The following NAV3 variants were observed in gnomAD, a reference collection of about 807,000 sequenced individuals.
The protein encoded by NAV3 is pore membrane and/or filament interacting like protein 1.
In NAV3, 87 loss-of-function variants were observed where a neutral mutation model predicts 244.7. The ratio of observed to expected loss-of-function variants is 0.36; its 90% CI spans 0.30 to 0.42. The LOEUF is 0.42. Among genes scored for constraint, NAV3 ranks in the 20% least tolerant of loss-of-function variants. NAV3 has a pLI of 1.00. For synonymous variants in NAV3, 1,126 were observed against 1,042.2 expected (o/e 1.08, Z -1.55); for missense variants, 2,663 against 2,893.3 (o/e 0.92, Z 1.83).
intron 5 of NAV3, among the ~76,000 whole-genome samples, chr12:77,993,158 G>A (rs1021235526): frequency 1.3e-5 from 2 of 152,094 alleles, no homozygotes; most frequent in African/African-American, 2.4e-5. Context: ...ATTATGGCAC[G>A]TCTTTAAAAT....
At chr12:78,144,451 C>G (rs1239006886) in intron 20 of NAV3, among the ~76,000 whole-genome samples, 2 of 151,844 alleles carry the variant, frequency 1.3e-5, no homozygotes, top group Non-Finnish European at 2.9e-5. Context: ...CACACCTAAG[C>G]TACTGAAAAA....
intron 1 of NAV3, among the ~76,000 whole-genome samples, chr12:77,917,033 G>A (rs910599226): frequency 5.9e-5 from 9 of 151,918 alleles, no homozygotes; most frequent in East Asian, 3.9e-4. Context: ...TATAAACATA[G>A]CATTATTATA....
intron 2 of NAV3, among the ~76,000 whole-genome samples, chr12:77,714,961 T>C (rs1278632826): frequency 2.0e-5 from 3 of 152,126 alleles, no homozygotes; most frequent in Admixed American, 2.0e-4. Flanking sequence ...CTTTTCATGA[T>C]TTATTTAACT....
At chr12:77,722,514 G>C (rs1876684272) in intron 2 of NAV3, among the ~76,000 whole-genome samples, 1 of 151,922 alleles carries the variant, frequency 6.6e-6, no homozygotes, top group South Asian at 2.1e-4. Flanking sequence ...GATTATTATG[G>C]GCCTAGTTGT....
intron 2 of NAV3, among the ~76,000 whole-genome samples, chr12:77,809,503 A>C (rs892712379): frequency 2.0e-5 from 3 of 152,140 alleles, no homozygotes; most frequent in African/African-American, 7.2e-5. Context: ...GGCTGTACCC[A>C]CTGTGCGTCC....
intron 2 of NAV3, among the ~76,000 whole-genome samples, chr12:77,672,623 A>G (rs1244036893): frequency 6.6e-6 from 1 of 151,958 alleles, no homozygotes; most frequent in Non-Finnish European, 1.5e-5. Context: ...ATGTATATGT[A>G]TAAGCTATGA....
chr12:77,639,336 T>C (rs1421667904), intron 2 of NAV3, among the ~76,000 whole-genome samples: 1 of 152,208 alleles, frequency 6.6e-6, no homozygotes, highest in African/African-American at 2.4e-5. Flanking sequence ...TCTCTGCTTT[T>C]ATGTAATTCA....
intron 2 of NAV3, among the ~76,000 whole-genome samples, chr12:77,627,097 T>G (rs889509642): frequency 1.3e-5 from 2 of 152,144 alleles, no homozygotes; most frequent in Admixed American, 6.5e-5. Context: ...ACTGGCTGAA[T>G]AGATTTATAA....
intron 2 of NAV3, among the ~76,000 whole-genome samples, chr12:77,767,222 G>A (rs1273691015): frequency 2.0e-5 from 3 of 152,184 alleles, no homozygotes; most frequent in African/African-American, 7.2e-5. Flanking sequence ...ACAGACTTAG[G>A]ATTTCCTAAA....
chr12:78,185,748 G>T, intron 31 of NAV3, 50 bp downstream of exon 31: 1 of 1,467,312 alleles, frequency 6.8e-7, no homozygotes, highest in South Asian at 1.2e-5. Flanking sequence ...GAATTACCAT[G>T]AGTCAAGTGT....
At chr12:77,841,105 G>C (rs1875560551) in intron 1 of NAV3, among the ~76,000 whole-genome samples, 1 of 152,112 alleles carries the variant, frequency 6.6e-6, no homozygotes, top group African/African-American at 2.4e-5. Flanking sequence ...ATCTGTGGTA[G>C]AGTTCATTAA....
chr12:78,154,201 T>A (rs1385148311), intron 22 of NAV3, among the ~76,000 whole-genome samples: 2 of 114,182 alleles, frequency 1.8e-5, no homozygotes, highest in African/African-American at 6.2e-5. Context: ...ATATTATATA[T>A]ACTCTAGGTA....
intron 22 of NAV3, among the ~76,000 whole-genome samples, chr12:78,155,524 G>C (rs1179472510): frequency 1.3e-5 from 2 of 152,008 alleles, no homozygotes; most frequent in African/African-American, 2.4e-5. Context: ...ATATTCCTTT[G>C]GGTATATACC....
At chr12:77,899,086 A>T (rs1884963222) in intron 1 of NAV3, among the ~76,000 whole-genome samples, 1 of 152,220 alleles carries the variant, frequency 6.6e-6, no homozygotes, top group African/African-American at 2.4e-5. Context: ...ATAACACTTG[A>T]ACAGATGAGG....
At chr12:78,064,800 C>T (rs750719205) in intron 12 of NAV3, among the ~76,000 whole-genome samples, 9 of 151,730 alleles carry the variant, frequency 5.9e-5, no homozygotes, top group Non-Finnish European at 1.2e-4. Flanking sequence ...AAAATTAGCT[C>T]GTATACAAGC....
intron 1 of NAV3, among the ~76,000 whole-genome samples, chr12:77,832,720 T>C (rs1873932679): frequency 6.6e-6 from 1 of 152,194 alleles, no homozygotes; most frequent in Non-Finnish European, 1.5e-5. Context: ...ATACTAGATC[T>C]TATTCATTCT....
At chr12:77,913,522 A>G (rs1230974613) in intron 1 of NAV3, among the ~76,000 whole-genome samples, 1 of 151,982 alleles carries the variant, frequency 6.6e-6, no homozygotes, top group African/African-American at 2.4e-5. Flanking sequence ...AACCTCCCGT[A>G]CTAGGCATTA....
intron 2 of NAV3, among the ~76,000 whole-genome samples, chr12:77,582,570 T>C (rs1869413796): frequency 6.6e-6 from 1 of 152,244 alleles, no homozygotes; most frequent in Non-Finnish European, 1.5e-5. Context: ...AAACCCAGGT[T>C]ATATTTAAAT....
At chr12:78,173,812 T>C (rs1958106241) in intron 24 of NAV3, among the ~76,000 whole-genome samples, 1 of 151,434 alleles carries the variant, frequency 6.6e-6, no homozygotes, top group Admixed American at 6.6e-5. Flanking sequence ...GTAGAAAAAT[T>C]AAGGGACTTA....
Sources: gnomAD v4.1 joint callset for allele counts (sites outside exome capture counted in the v4.1 genomes callset) on GRCh38, gnomAD v4.1.1 for gene constraint, MANE v1.5 for transcripts, NCBI Gene and HGNC (gene_info 2026-07-23, HGNC 2026-07-21) for gene names.